Variants in RASA1 observed in about 807,000 individuals in gnomAD.
RASA1 encodes RAS p21 protein activator 1, also known as ras GTPase-activating protein 1.
RASA1 carries 25 observed loss-of-function variants against 132.2 expected under a neutral mutation model. That is an observed-to-expected ratio of 0.19 (90% CI 0.14 to 0.26). The LOEUF is 0.26. Ranked by LOEUF, RASA1 falls within the 10% of genes least tolerant of loss-of-function variation. The pLI, the probability that RASA1 is intolerant of heterozygous loss-of-function variation, is 1.00. For synonymous variants in RASA1, 477 were observed against 449.9 expected (o/e 1.06, Z -0.76); for missense variants, 964 against 1,299.2 (o/e 0.74, Z 3.97).
intron 1 of RASA1, among the ~76,000 whole-genome samples, chr5:87,285,270 T>C (rs1271645385): frequency 6.6e-6 from 1 of 151,884 alleles, no homozygotes; most frequent in Non-Finnish European, 1.5e-5. Context: ...GGTTTCACTA[T>C]GTTGGCCAGG....
At chr5:87,270,297 T>TTGGTTCATA (rs1223904180) in intron 1 of RASA1, among the ~76,000 whole-genome samples, 2 of 151,290 alleles carry the variant, frequency 1.3e-5, no homozygotes, top group Non-Finnish European at 2.9e-5. Context: ...AAAAAAAGAT[T>TTGGTTCATA]TGGTTCATAT....
intron 18 of RASA1, among the ~76,000 whole-genome samples, 188 bp downstream of exon 18, chr5:87,378,726 T>G (rs923972537): frequency 7.2e-5 from 11 of 152,204 alleles, no homozygotes; most frequent in Non-Finnish European, 1.2e-4. Context: ...AAGATGTACT[T>G]TATTTTGGGA....
chr5:87,332,704 G>C, intron 3 of RASA1, 62 bp downstream of exon 3: 1 of 1,463,040 alleles, frequency 6.8e-7, no homozygotes, highest in Non-Finnish European at 9.5e-7. Flanking sequence ...AATGGTTTTA[G>C]CTATTGCTCA....
At chr5:87,299,176 T>G (rs1414314248) in intron 1 of RASA1, among the ~76,000 whole-genome samples, 2 of 152,214 alleles carry the variant, frequency 1.3e-5, no homozygotes, top group East Asian at 1.9e-4. Flanking sequence ...ACTTTCTTGT[T>G]TAACTCTGCT....
intron 1 of RASA1, among the ~76,000 whole-genome samples, chr5:87,285,801 T>C (rs1030288211): frequency 2.0e-5 from 3 of 151,698 alleles, no homozygotes; most frequent in African/African-American, 7.3e-5. Context: ...GTATTTTTAA[T>C]AGAGATGGGA....
chr5:87,349,559 T>C (rs571031020), intron 8 of RASA1, among the ~76,000 whole-genome samples, 195 bp downstream of exon 8: 17 of 152,072 alleles, frequency 1.1e-4, no homozygotes, highest in Middle Eastern at 6.8e-3. Context: ...TAGTAACTTA[T>C]ACTTTGTTTC....
intron 9 of RASA1, among the ~76,000 whole-genome samples, chr5:87,362,313 T>C (rs1760167019): frequency 6.6e-6 from 1 of 152,214 alleles, no homozygotes; most frequent in African/African-American, 2.4e-5. Flanking sequence ...AGACAACTTA[T>C]TAGTTGTTCT....
At chr5:87,326,810 C>T (rs1268623901) in intron 1 of RASA1, among the ~76,000 whole-genome samples, 4 of 151,982 alleles carry the variant, frequency 2.6e-5, no homozygotes, top group Non-Finnish European at 2.9e-5. Flanking sequence ...AATTTGAATG[C>T]TCTATAATGT....
intron 1 of RASA1, among the ~76,000 whole-genome samples, chr5:87,309,835 G>A (rs1465218497): frequency 6.6e-6 from 1 of 151,844 alleles, no homozygotes; most frequent in Non-Finnish European, 1.5e-5. Flanking sequence ...GCATGGTTTG[G>A]GATTCTAAGT....
At chr5:87,362,716 T>C (rs1760207880) in intron 10 of RASA1, 45 bp downstream of exon 10, 1 of 1,578,084 alleles carries the variant, frequency 6.3e-7, no homozygotes. Flanking sequence ...AGAGACGTTG[T>C]AAATATGGAG....
At chr5:87,291,381 A>G (rs1478370635) in intron 1 of RASA1, among the ~76,000 whole-genome samples, 1 of 152,100 alleles carries the variant, frequency 6.6e-6, no homozygotes, top group African/African-American at 2.4e-5. Context: ...AAAAGAAAAA[A>G]TTAGCCAGAT....
intron 1 of RASA1, among the ~76,000 whole-genome samples, chr5:87,311,173 T>C (rs1755888195): frequency 6.6e-6 from 1 of 152,134 alleles, no homozygotes; most frequent in African/African-American, 2.4e-5. Context: ...CTTTGAAAAA[T>C]AGCTGACAAA....
rs893659963 is a variant in RASA1, at chr5:87,268,240, C to T, written c.-212C>T. 3.2e-5 allele frequency: 22 copies of T among 678,368 alleles called. No homozygotes were observed. The highest frequency in any genetic ancestry group is 1.3e-4 in the South Asian group (6 of 44,814). 42.0% of individuals were successfully genotyped at this position (678,368 alleles called of 1,614,324 possible). On this transcript the variant is annotated 5_prime_UTR_variant, in exon 1 of 25. Coordinates refer to ENST00000274376, the MANE Select transcript of RASA1 (RefSeq NM_002890.3). ...TTTGTGCAGGCGTTGGGTTTTTTGCCCACTTGGCTTCCCGTAACCCAGGCA... is the reference window on the plus strand; with the variant it reads ...TTTGTGCAGGCGTTGGGTTTTTTGCTCACTTGGCTTCCCGTAACCCAGGCA...
intron 6 of RASA1, among the ~76,000 whole-genome samples, chr5:87,345,708 T>TA (rs1309282814): frequency 1.3e-5 from 2 of 152,196 alleles, no homozygotes; most frequent in Non-Finnish European, 2.9e-5. Flanking sequence ...ATGGATCATT[T>TA]AAAACAATGT....
chr5:87,331,446 C>T lies in RASA1; in HGVS notation c.638C>T (p.Pro213Leu). 1.2e-6 allele frequency: 2 copies of T among 1,613,868 alleles called. No individual in the cohort carries two copies. The highest frequency in any genetic ancestry group is 1.3e-5 in the African/African-American group (1 of 75,032). The change falls in exon 2 of 25, where the codon CCA becomes CTA. Residue 213 changes from proline (P) to leucine (L), a missense_variant. Transcript: ENST00000274376. ...CTTATAAGAGAGAGTGATCGGAGGC[C>T]AGGGTCCTTTGTACTTTCATTTCTT... ...SYLIRESDRR[P>L]GSFVLSFLSQ...
At chr5:87,313,212 T>C (rs1561273139) in intron 1 of RASA1, among the ~76,000 whole-genome samples, 1 of 152,194 alleles carries the variant, frequency 6.6e-6, no homozygotes, top group African/African-American at 2.4e-5. Flanking sequence ...TGGGTGAGTT[T>C]AGGTTTAAAA....
At chr5:87,269,401 T>C (rs2112224160) in intron 1 of RASA1, 10 of 1,263,366 alleles carry the variant, frequency 7.9e-6, no homozygotes. Flanking sequence ...TGAATACAGG[T>C]GTTTAAACGA....
chr5:87,383,926 T>C, intron 21 of RASA1, 146 bp downstream of exon 21: 1 of 725,754 alleles, frequency 1.4e-6, no homozygotes, highest in Non-Finnish European at 2.3e-6. Context: ...GCACCCTTCC[T>C]TCCTTGTGCT....
At chr5:87,372,647 C>CTA (rs1761032936) in intron 13 of RASA1, among the ~76,000 whole-genome samples, 1 of 152,122 alleles carries the variant, frequency 6.6e-6, no homozygotes, top group East Asian at 1.9e-4. Flanking sequence ...GTAACATGCC[C>CTA]TATACTTTGA....
Sources: gnomAD v4.1 joint callset for allele counts (sites outside exome capture counted in the v4.1 genomes callset) on GRCh38, gnomAD v4.1.1 for gene constraint, MANE v1.5 for transcripts, NCBI Gene and HGNC (gene_info 2026-07-23, HGNC 2026-07-21) for gene names.